The following COL5A2 variants were observed in gnomAD, a reference collection of about 807,000 sequenced individuals.
The protein encoded by COL5A2 is collagen alpha-2(V) chain.
Under a neutral mutation model 208.2 loss-of-function variants are expected in COL5A2, and 23 were observed. The observed-to-expected ratio is 0.11, with a 90% CI of 0.08 to 0.16. COL5A2 has a LOEUF of 0.16. COL5A2 is among the 10% of genes least tolerant of loss of function. COL5A2 has a pLI of 1.00. For missense variants in COL5A2, 1,590 were observed against 1,956.4 expected, an observed-to-expected ratio of 0.81 and a Z score of 3.53; for synonymous variants, 625 against 628.5, an observed-to-expected ratio of 0.99 and a Z score of 0.08.
the COL5A2 span, among the ~76,000 whole-genome samples, chr2:189,419,618 C>A: frequency 6.6e-5 from 10 of 150,496 alleles, no homozygotes; most frequent in African/African-American, 2.4e-4. Flanking sequence ...GAGAAAGACC[C>A]CATGTCCACA....
chr2:189,033,797 T>G lies in COL5A2; in HGVS notation c.*273A>C. ...CGGAGATTTATTTATTCAATCAGTT[T>G]ACTTTCTGCAAAGGTGGTCATTGTC... On this transcript the variant is annotated 3_prime_UTR_variant, in exon 54 of 54. Transcript: ENST00000374866. 1 of 483,856 alleles carries G rather than the reference T, an allele frequency of 2.1e-6. No individual in the cohort carries two copies. Among genetic ancestry groups the G allele is most frequent in the Non-Finnish European group, 3.7e-6 (1 of 267,292 alleles). 30.0% of individuals were successfully genotyped at this position (483,856 alleles called of 1,614,324 possible).
In COL5A2 at chr2:189,136,306, A is replaced by C. The variant is rs1418844116; in HGVS notation, c.98-25857T>G. ...TGAAAACCTTACTGCTATGTACACA[A>C]AAATACCTGAGTACAAATTTACATG... On this transcript the variant is annotated intron_variant, in intron 1 of 53. Transcript: ENST00000374866. Among the ~76,000 whole-genome samples the C allele has an allele frequency of 4.0e-5, 6 of 151,862 alleles. No individual in the cohort carries two copies. In the East Asian group the frequency reaches 1.2e-3, roughly 29 times the overall value.
the COL5A2 span, among the ~76,000 whole-genome samples, chr2:189,303,951 C>T: frequency 3.3e-5 from 5 of 152,102 alleles, no homozygotes; most frequent in East Asian, 1.9e-4. Flanking sequence ...ATTTGGCTGA[C>T]GTTTTTCTTT....
intron 1 of COL5A2, among the ~76,000 whole-genome samples, chr2:189,192,506 C>T (rs1237623909): frequency 6.6e-6 from 1 of 152,064 alleles, no homozygotes; most frequent in Non-Finnish European, 1.5e-5. Context: ...TTAATATTTC[C>T]AAGTATTGTT....
At chr2:189,396,187 TAA>T in the COL5A2 span, among the ~76,000 whole-genome samples, 2 of 152,220 alleles carry the variant, frequency 1.3e-5, no homozygotes, top group East Asian at 3.9e-4. Context: ...CTGTAAAAGC[TAA>T]AGTGTGTGAT....
At chr2:189,401,354 T>C in the COL5A2 span, among the ~76,000 whole-genome samples, 1 of 152,228 alleles carries the variant, frequency 6.6e-6, no homozygotes, top group Non-Finnish European at 1.5e-5. Flanking sequence ...CTGAGGATAA[T>C]GGCTTCCAGC....
the COL5A2 span, among the ~76,000 whole-genome samples, chr2:189,404,344 T>C: frequency 3.5e-4 from 54 of 152,184 alleles, no homozygotes; most frequent in Non-Finnish European, 1.3e-4. Flanking sequence ...GCAAATTCCA[T>C]CTTTTGTCTT....
intron 18 of COL5A2, among the ~76,000 whole-genome samples, chr2:189,069,885 C>A (rs1686232880): frequency 6.6e-6 from 1 of 152,122 alleles, no homozygotes; most frequent in African/African-American, 2.4e-5. Flanking sequence ...TTATTTAAGT[C>A]TAATCAACTT....
chr2:189,342,305 TATAGAACCAA>T, the COL5A2 span, among the ~76,000 whole-genome samples: 1 of 148,798 alleles, frequency 6.7e-6, no homozygotes, highest in East Asian at 1.9e-4. Context: ...CTACTATATA[TATAGAACCAA>T]ATACAAGCCT....
chr2:189,258,095 C>T, the COL5A2 span, among the ~76,000 whole-genome samples: 1 of 152,040 alleles, frequency 6.6e-6, no homozygotes, highest in Non-Finnish European at 1.5e-5. Flanking sequence ...GCCTGGGTGA[C>T]AGAGTGAGAT....
At chr2:189,309,849 A>G in the COL5A2 span, among the ~76,000 whole-genome samples, 1 of 152,214 alleles carries the variant, frequency 6.6e-6, no homozygotes, top group Non-Finnish European at 1.5e-5. Flanking sequence ...CAGAGAAAGC[A>G]TGTTTAAGTT....
the COL5A2 span, among the ~76,000 whole-genome samples, chr2:189,265,094 A>G: frequency 1.4e-4 from 22 of 152,166 alleles, no homozygotes; most frequent in Non-Finnish European, 2.5e-4. Flanking sequence ...TAAAAACACT[A>G]ATTCAAAATG....
the COL5A2 span, among the ~76,000 whole-genome samples, chr2:189,373,628 T>C: frequency 2.6e-5 from 4 of 152,272 alleles, no homozygotes; most frequent in East Asian, 7.7e-4. Context: ...TAGCTGTAAA[T>C]AATCAGACTC....
chr2:189,314,363 G>A, the COL5A2 span, among the ~76,000 whole-genome samples: 1 of 152,016 alleles, frequency 6.6e-6, no homozygotes, highest in East Asian at 1.9e-4. Context: ...TAAAATTAAG[G>A]CAGAAATCAA....
At chr2:189,197,495 G>A (rs898564706) in intron 1 of COL5A2, among the ~76,000 whole-genome samples, 2 of 151,788 alleles carry the variant, frequency 1.3e-5, no homozygotes, top group South Asian at 4.2e-4. Flanking sequence ...AAGGGAAGGT[G>A]CAAAGAGTTC....
At chr2:189,354,874 G>A in the COL5A2 span, among the ~76,000 whole-genome samples, 1 of 151,884 alleles carries the variant, frequency 6.6e-6, no homozygotes, top group African/African-American at 2.4e-5. Context: ...GTGATGTTAG[G>A]GTGTCGATTT....
the COL5A2 span, among the ~76,000 whole-genome samples, chr2:189,400,178 C>T: frequency 1.3e-5 from 2 of 151,982 alleles, no homozygotes; most frequent in African/African-American, 2.4e-5. Flanking sequence ...TGATACTTAT[C>T]CTGCTCTGAG....
the COL5A2 span, among the ~76,000 whole-genome samples, chr2:189,288,320 T>C: frequency 6.6e-6 from 1 of 152,222 alleles, no homozygotes. Context: ...CTACTTGTGT[T>C]GACCTCATTT....
chr2:189,412,940 G>A, the COL5A2 span, among the ~76,000 whole-genome samples: 18 of 152,212 alleles, frequency 1.2e-4, no homozygotes, highest in Admixed American at 1.2e-3. Context: ...AAAGGTGCCT[G>A]AGAATGTTCG....
Sources: gnomAD v4.1 joint callset for allele counts (sites outside exome capture counted in the v4.1 genomes callset) on GRCh38, gnomAD v4.1.1 for gene constraint, MANE v1.5 for transcripts, NCBI Gene and HGNC (gene_info 2026-07-23, HGNC 2026-07-21) for gene names.